Variants in SEC22A observed in about 807,000 individuals in gnomAD.
The protein encoded by SEC22A is vesicle-trafficking protein SEC22a.
Under a neutral mutation model 35.3 loss-of-function variants are expected in SEC22A, and 22 were observed. The ratio of observed to expected loss-of-function variants is 0.62; its 90% confidence interval spans 0.45 to 0.89. The LOEUF (loss-of-function observed/expected upper bound fraction) is 0.89. SEC22A is among the 40% of genes least tolerant of loss of function. The probability of loss-of-function intolerance (pLI) is 0.00; values close to 1 mark genes in which losing one functional copy is unlikely to be tolerated. For synonymous variants in SEC22A, 119 were observed against 129.5 expected (o/e 0.92, Z 0.55); for missense variants, 354 against 362.5 (o/e 0.98, Z 0.19).
intron 4 of SEC22A, among the ~76,000 whole-genome samples, chr3:123,232,132 C>G (rs1352206480): frequency 1.3e-5 from 2 of 152,060 alleles, no homozygotes; most frequent in African/African-American, 2.4e-5. Context: ...CCGAGCTGCT[C>G]AGGAGGCTGA....
At chr3:123,253,647 G>T (rs1350241046) in intron 5 of SEC22A, among the ~76,000 whole-genome samples, 2 of 151,284 alleles carry the variant, frequency 1.3e-5, no homozygotes, top group Non-Finnish European at 2.9e-5. Context: ...GGGAGGCGGA[G>T]GTTGTAGTGA....
At chr3:123,244,307 C>G (rs1007389463) in intron 4 of SEC22A, among the ~76,000 whole-genome samples, 1 of 152,156 alleles carries the variant, frequency 6.6e-6, no homozygotes, top group African/African-American at 2.4e-5. Flanking sequence ...GGGGGAATCT[C>G]TAGAATTTCT....
intron 2 of SEC22A, among the ~76,000 whole-genome samples, chr3:123,221,396 G>A (rs1050469270): frequency 3.3e-5 from 5 of 149,796 alleles, no homozygotes; most frequent in African/African-American, 4.9e-5. Context: ...GCTTGAACCC[G>A]GGAGGCGGAG....
intron 4 of SEC22A, among the ~76,000 whole-genome samples, chr3:123,236,700 G>A (rs1178593431): frequency 6.6e-6 from 1 of 152,134 alleles, no homozygotes; most frequent in African/African-American, 2.4e-5. Flanking sequence ...AGTGTCATAA[G>A]CTTCAAATTA....
chr3:123,222,301 C>T (rs1420579245), intron 2 of SEC22A, among the ~76,000 whole-genome samples: 3 of 151,986 alleles, frequency 2.0e-5, no homozygotes, highest in Non-Finnish European at 2.9e-5. Flanking sequence ...TGGGTTCAAA[C>T]GATTCTCCTG....
chr3:123,272,372 C>T lies in SEC22A; in HGVS notation c.*650C>T, dbSNP rs1265484404. The stretch of plus-strand genomic sequence containing the variant: ...TAATGGATGTTTCCTTTCTAATCCA[C>T]ATTTATTGTTTCTTTTGAAATCACG... On this transcript the variant is annotated 3_prime_UTR_variant, in exon 7 of 7. Transcript: ENST00000492595. The T allele has an allele frequency of 6.6e-6, 1 of 152,206 alleles. No individual in the cohort carries two copies. The highest frequency in any genetic ancestry group is 2.4e-5 in the African/African-American group (1 of 41,458). 9.4% of individuals were successfully genotyped at this position (152,206 alleles called of 1,614,324 possible). A position where few individuals can be genotyped will look rare whatever the true frequency, so the allele number is the denominator to read the frequency against.
At chr3:123,237,070 C>T (rs536663597) in intron 4 of SEC22A, among the ~76,000 whole-genome samples, 2 of 152,236 alleles carry the variant, frequency 1.3e-5, no homozygotes, top group South Asian at 4.1e-4. Flanking sequence ...GTTAGTATAA[C>T]ACATGAAAGT....
chr3:123,255,497 T>A (rs1937711267), intron 5 of SEC22A, among the ~76,000 whole-genome samples: 1 of 151,956 alleles, frequency 6.6e-6, no homozygotes, highest in Non-Finnish European at 1.5e-5. Flanking sequence ...ACACACACAG[T>A]AAAATATGCA....
At chr3:123,245,158 A>T (rs1003476441) in intron 4 of SEC22A, among the ~76,000 whole-genome samples, 11 of 152,302 alleles carry the variant, frequency 7.2e-5, no homozygotes, top group Admixed American at 1.3e-4. Context: ...TAGAACCCAG[A>T]TAAGGCAAAG....
Position 123,216,482 on chromosome 3 carries a change from G to A in SEC22A, c.183-7077G>A, listed in dbSNP as rs1388190001. 3.9e-5 allele frequency among the ~76,000 whole-genome samples: 6 copies of A among 152,082 alleles called. No homozygotes were observed. In the East Asian group the frequency reaches 1.2e-3, roughly 29 times the overall value. ...TACTGTTGTAAGTTACCATCATCTG[G>A]CATATTTCATATTAATAAATATTTT... On this transcript the variant is annotated intron_variant, in intron 2 of 6. Transcript: ENST00000492595.
rs1384828098 is a variant in SEC22A, at chr3:123,271,684, A to T, written c.886A>T (p.Arg296Trp). ...GAFVTLQIWL[R>W]QAQGKAPDYD... ...ATTTGTTACACTACAGATCTGGCTA[A>T]GGCAAGCCCAGGGCAAGGCTCCCGA... The change falls in exon 7 of 7, where the codon AGG (arginine) becomes TGG (tryptophan). Residue 296 changes from arginine (R) to tryptophan (W), a missense_variant. Physicochemically the swap from Arg to Trp is moderately radical, Grantham distance 101. Coordinates refer to ENST00000492595, the MANE Select transcript of SEC22A (RefSeq NM_012430.5). 1.2e-6 allele frequency: 2 copies of T among 1,614,202 alleles called. No individual in the cohort carries two copies. The highest frequency in any genetic ancestry group is 1.7e-6 in the Non-Finnish European group (2 of 1,180,018).
chr3:123,231,169 C>G (rs1226903178), intron 4 of SEC22A, among the ~76,000 whole-genome samples: 1 of 152,092 alleles, frequency 6.6e-6, no homozygotes, highest in Admixed American at 6.6e-5. Context: ...TAAGTAAAAC[C>G]TGCCAGAAGT....
intron 4 of SEC22A, among the ~76,000 whole-genome samples, chr3:123,239,545 T>C (rs1265768367): frequency 6.6e-6 from 1 of 152,028 alleles, no homozygotes; most frequent in Non-Finnish European, 1.5e-5. Flanking sequence ...TGGTATCTCA[T>C]TGTGGTTTTG....
intron 6 of SEC22A, among the ~76,000 whole-genome samples, chr3:123,269,232 TGCTA>T (rs966768653): frequency 6.7e-6 from 1 of 148,578 alleles, no homozygotes; most frequent in Non-Finnish European, 1.5e-5. Flanking sequence ...TTACTGGAAA[TGCTA>T]GCTCATTTTT....
At chr3:123,260,946 C>T (rs1485943825) in intron 6 of SEC22A, among the ~76,000 whole-genome samples, 1 of 151,722 alleles carries the variant, frequency 6.6e-6, no homozygotes, top group African/African-American at 2.4e-5. Context: ...CGGCATTCTC[C>T]TGCCTCAGCC....
chr3:123,252,734 A>C (rs1156424038), intron 5 of SEC22A, among the ~76,000 whole-genome samples: 1 of 152,212 alleles, frequency 6.6e-6, no homozygotes, highest in African/African-American at 2.4e-5. Flanking sequence ...AAGATTCAGC[A>C]CAAGTTTGTT....
At chr3:123,224,760 C>T (rs1291204206) in intron 3 of SEC22A, among the ~76,000 whole-genome samples, 1 of 151,936 alleles carries the variant, frequency 6.6e-6, no homozygotes, top group East Asian at 1.9e-4. Flanking sequence ...CACTGCACCC[C>T]AGTCTAGGTG....
At chr3:123,229,049 G>A (rs116359966) in intron 4 of SEC22A, among the ~76,000 whole-genome samples, 1,638 of 152,220 alleles carry the variant, frequency 0.011, 8 homozygotes, top group Non-Finnish European at 0.017. Flanking sequence ...GAAGAAGGGG[G>A]AGAAAAAGCA....
chr3:123,215,685 A>G (rs1034755606), intron 2 of SEC22A, among the ~76,000 whole-genome samples: 1 of 152,230 alleles, frequency 6.6e-6, no homozygotes, highest in East Asian at 1.9e-4. Context: ...AATGATATAT[A>G]TGAACCACAA....
Sources: gnomAD v4.1 joint callset for allele counts (sites outside exome capture counted in the v4.1 genomes callset) on GRCh38, gnomAD v4.1.1 for gene constraint, MANE v1.5 for transcripts, NCBI Gene and HGNC (gene_info 2026-07-23, HGNC 2026-07-21) for gene names.